MYRFL: variants seen among roughly 807,000 people sequenced by gnomAD.
The protein encoded by MYRFL is myelin regulatory factor-like protein.
A neutral mutation model predicts 109.4 loss-of-function variants in MYRFL; 88 were observed. The ratio of observed to expected loss-of-function variants is 0.80; its 90% CI spans 0.68 to 0.96. The LOEUF (loss-of-function observed/expected upper bound fraction) is 0.96. MYRFL is among the 40% of genes least tolerant of loss of function. MYRFL has a pLI of 0.00. For synonymous variants in MYRFL, 324 were observed against 320.9 expected (o/e 1.01, Z -0.10); for missense variants, 957 against 954.9 (o/e 1.00, Z -0.03).
At chr12:69,938,931 G>T (rs2087761) in intron 19 of MYRFL, among the ~76,000 whole-genome samples, 3 of 152,046 alleles carry the variant, frequency 2.0e-5, no homozygotes, top group Admixed American at 6.6e-5. Context: ...AAGGGGTGAC[G>T]GATGGCACCT....
At chr12:69,875,535 A>T (rs1885606548) in intron 2 of MYRFL, among the ~76,000 whole-genome samples, 1 of 152,114 alleles carries the variant, frequency 6.6e-6, no homozygotes. Flanking sequence ...TTCTTTGTAG[A>T]GAGCAGTTTT....
chr12:69,913,070 C>T (rs979929655), intron 13 of MYRFL, among the ~76,000 whole-genome samples: 4 of 152,062 alleles, frequency 2.6e-5, no homozygotes, highest in African/African-American at 9.7e-5. Context: ...TGATGTTGCA[C>T]ATCTTTTCAT....
chr12:69,913,042 C>T (rs1340736163), intron 13 of MYRFL, among the ~76,000 whole-genome samples: 1 of 152,056 alleles, frequency 6.6e-6, no homozygotes, highest in Non-Finnish European at 1.5e-5. Context: ...TTTTGATTTA[C>T]ATTTCCTTAA....
intron 19 of MYRFL, among the ~76,000 whole-genome samples, chr12:69,939,596 A>T (rs182738099): frequency 0.035 from 5,274 of 152,264 alleles, 312 homozygotes; most frequent in African/African-American, 0.12. Flanking sequence ...ATGGGGAAAA[A>T]ACAGAACAGA....
intron 13 of MYRFL, among the ~76,000 whole-genome samples, chr12:69,912,290 T>A (rs962178214): frequency 6.6e-6 from 1 of 152,192 alleles, no homozygotes; most frequent in Non-Finnish European, 1.5e-5. Flanking sequence ...ATTTCCCAGG[T>A]TTTTTATTGT....
At position 69,918,160 on chromosome 12, in the gene MYRFL, C is replaced by T. The variant is rs545448882; in HGVS notation, c.1602+7230C>T. 9.9e-5 allele frequency among the ~76,000 whole-genome samples: 15 copies of T among 152,264 alleles called. No homozygotes were observed. In the South Asian group the frequency reaches 3.1e-3, roughly 32 times the overall value. The stretch of plus-strand genomic sequence containing the variant: ...CATAAAAGTATCAGATTTATGGGTC[C>T]TTTGAAATATCAGAAGGGCTGGGCA... On this transcript the variant is annotated intron_variant, in intron 13 of 24. Transcript: ENST00000552032.
chr12:69,907,233 T>C (rs1353008122), intron 11 of MYRFL, among the ~76,000 whole-genome samples: 1 of 152,192 alleles, frequency 6.6e-6, no homozygotes, highest in Non-Finnish European at 1.5e-5. Context: ...TCATATAAAA[T>C]GTTTAGGTCT....
chr12:69,842,809 C>T (rs1883320923), intron 1 of MYRFL, among the ~76,000 whole-genome samples: 1 of 152,206 alleles, frequency 6.6e-6, no homozygotes, highest in Non-Finnish European at 1.5e-5. Flanking sequence ...GTCCTTGGCT[C>T]ACCCCAGGCC....
chr12:69,901,115 TA>T (rs1566011329), intron 10 of MYRFL, among the ~76,000 whole-genome samples: 1 of 152,244 alleles, frequency 6.6e-6, no homozygotes. Flanking sequence ...GTCACACAGC[TA>T]GTTTGTGTTA....
intron 9 of MYRFL, among the ~76,000 whole-genome samples, chr12:69,896,270 T>C (rs1410982527): frequency 1.3e-5 from 2 of 152,190 alleles, no homozygotes; most frequent in African/African-American, 2.4e-5. Context: ...CTAATGTAGG[T>C]AAACTGCTTA....
intron 19 of MYRFL, among the ~76,000 whole-genome samples, chr12:69,942,488 T>C (rs1346456208): frequency 5.9e-5 from 9 of 151,382 alleles, no homozygotes; most frequent in African/African-American, 2.2e-4. Flanking sequence ...TTCAACAACT[T>C]TTCATGCTAA....
intron 1 of MYRFL, among the ~76,000 whole-genome samples, chr12:69,832,507 G>A (rs1350807592): frequency 1.3e-5 from 2 of 152,202 alleles, no homozygotes; most frequent in African/African-American, 4.8e-5. Context: ...GTGGTGCAGA[G>A]AGTCTGATGA....
chr12:69,866,097 C>G (rs925063554), intron 2 of MYRFL, among the ~76,000 whole-genome samples: 1 of 151,976 alleles, frequency 6.6e-6, no homozygotes, highest in Non-Finnish European at 1.5e-5. Context: ...TAGAAACATG[C>G]CTTTTCTTCC....
rs115292782 is a variant in MYRFL, at chr12:69,857,226, G to A, written c.137+1856G>A. Among the ~76,000 whole-genome samples the A allele has an allele frequency of 7.7e-3, 1,166 of 151,742 alleles. 8 individuals are homozygous for A. Among genetic ancestry groups the A allele is most frequent in the African/African-American group, 0.023 (964 of 41,486 alleles). On this transcript the variant is annotated intron_variant, in intron 2 of 24. Transcript: ENST00000552032. ...TCTTCATTCCTTTCCATTGATCTAC[G>A]TGCCTATCATTTTGCCAACACAACA...
chr12:69,885,058 T>C (rs950345013), intron 5 of MYRFL, among the ~76,000 whole-genome samples: 63 of 152,306 alleles, frequency 4.1e-4, no homozygotes, highest in African/African-American at 1.4e-3. Context: ...TTATGTTCTC[T>C]CTTTCTCTCA....
chr12:69,852,794 C>G (rs145428142), intron 1 of MYRFL, among the ~76,000 whole-genome samples: 4,144 of 151,570 alleles, frequency 0.027, 188 homozygotes, highest in African/African-American at 0.094. Context: ...TGACTCTTAA[C>G]GAGCGTGCTG....
chr12:69,879,273 T>A lies in MYRFL; in HGVS notation c.284T>A (p.Met95Lys), dbSNP rs982002371. 2 of 702,760 alleles carry A rather than the reference T, an allele frequency of 2.8e-6. No individual in the cohort carries two copies. The highest frequency in any genetic ancestry group is 1.7e-5 in the African/African-American group (1 of 57,252). 43.5% of individuals were successfully genotyped at this position (702,760 alleles called of 1,614,324 possible). The change falls in exon 4 of 25, where the codon ATG becomes AAG. Residue 95 changes from methionine (M) to lysine (K), a missense_variant. Met to Lys is a moderately conservative substitution (Grantham distance 95, BLOSUM62 -1). Transcript: ENST00000552032. ...PFLHPTAAPA[M>K]PPMHPLQSTS... ...CTCCACCCCACAGCTGCTCCTGCGA[T>A]GCCGCCCATGCACCCGCTGCAGAGC...
intron 2 of MYRFL, among the ~76,000 whole-genome samples, chr12:69,859,579 C>T (rs1320878694): frequency 1.3e-5 from 2 of 152,176 alleles, no homozygotes; most frequent in African/African-American, 4.8e-5. Context: ...TTCTGGTGAA[C>T]TTAGTCTTTT....
chr12:69,834,383 C>T (rs1882814021), intron 1 of MYRFL, among the ~76,000 whole-genome samples: 1 of 152,082 alleles, frequency 6.6e-6, no homozygotes, highest in Non-Finnish European at 1.5e-5. Flanking sequence ...AAATATGCTT[C>T]CTAGGAATCT....
Sources: allele counts gnomAD v4.1 joint callset (sites outside exome capture counted in the v4.1 genomes callset), GRCh38; gene constraint gnomAD v4.1.1; transcripts MANE v1.5; gene names NCBI Gene and HGNC (gene_info 2026-07-23, HGNC 2026-07-21).